Variants in XIRP2 observed in about 807,000 individuals in gnomAD.
XIRP2 encodes the protein xin actin-binding repeat-containing protein 2.
Under a neutral mutation model 277.0 loss-of-function variants are expected in XIRP2, and 236 were observed. That is an observed-to-expected ratio of 0.85 (90% CI 0.77 to 0.95). XIRP2 has a LOEUF of 0.95. Among genes scored for constraint, XIRP2 ranks in the 40% least tolerant of loss-of-function variants. The pLI, the probability that XIRP2 is intolerant of heterozygous loss-of-function variation, is 0.00. For synonymous variants in XIRP2, 1,490 were observed against 1,416.5 expected (o/e 1.05, Z -1.17); for missense variants, 4,640 against 4,157.5 (o/e 1.12, Z -3.19).
chr2:167,070,877 A>G (rs1558968615), intron 2 of XIRP2, among the ~76,000 whole-genome samples: 1 of 152,176 alleles, frequency 6.6e-6, no homozygotes, highest in Non-Finnish European at 1.5e-5. Flanking sequence ...ACAACATGTA[A>G]TACTAACAAC....
At chr2:167,227,357 G>T (rs1356222540) in intron 5 of XIRP2, among the ~76,000 whole-genome samples, 1 of 152,068 alleles carries the variant, frequency 6.6e-6, no homozygotes, top group Admixed American at 6.6e-5. Flanking sequence ...TTCCTTTGCT[G>T]GTGGTAGACT....
chr2:167,162,336 A>G (rs954914905), intron 3 of XIRP2, among the ~76,000 whole-genome samples: 5 of 152,232 alleles, frequency 3.3e-5, no homozygotes, highest in Non-Finnish European at 5.9e-5. Context: ...CGTTGCTGAT[A>G]AAGACATTCC....
intron 3 of XIRP2, among the ~76,000 whole-genome samples, chr2:167,208,542 T>G (rs1286040154): frequency 1.3e-5 from 2 of 152,168 alleles, no homozygotes; most frequent in African/African-American, 4.8e-5. Flanking sequence ...TCTCCTGACC[T>G]CGTGATCTGC....
intron 3 of XIRP2, among the ~76,000 whole-genome samples, chr2:167,156,753 T>C (rs1267169672): frequency 1.3e-5 from 2 of 152,182 alleles, no homozygotes; most frequent in African/African-American, 2.4e-5. Flanking sequence ...TTATGACTTG[T>C]TGACAGAATA....
chr2:167,113,432 G>C (rs945305791), intron 2 of XIRP2, among the ~76,000 whole-genome samples: 1 of 152,036 alleles, frequency 6.6e-6, no homozygotes, highest in Admixed American at 6.6e-5. Context: ...ATCTCTGTTG[G>C]TTCAATCTGG....
In XIRP2 at chr2:167,250,269, G is replaced by A. The variant is rs917711049; in HGVS notation, c.8877G>A (p.Ser2959=). ...RKREELQQIL[S]RVKQFEAEPN... ...GTGAAGAACTGCAACAGATTTTGTC[G>A]AGAGTGAAACAGTTTGAAGCAGAGC... The change falls in exon 9 of 11, where the codon TCG becomes TCA. Residue 2959 remains serine, a synonymous_variant. Transcript: ENST00000409195. The A allele has an allele frequency of 4.3e-6, 7 of 1,613,106 alleles. No homozygotes were observed. Among genetic ancestry groups the A allele is most frequent in the African/African-American group, 4.0e-5 (3 of 74,814 alleles).
At chr2:167,173,189 C>T (rs1016335805) in intron 3 of XIRP2, among the ~76,000 whole-genome samples, 4 of 151,930 alleles carry the variant, frequency 2.6e-5, no homozygotes, top group Admixed American at 6.6e-5. Context: ...GACTATAGTC[C>T]CCCTGTTGTG....
At chr2:166,919,151 T>C (rs1340120967) in intron 2 of XIRP2, among the ~76,000 whole-genome samples, 1 of 152,154 alleles carries the variant, frequency 6.6e-6, no homozygotes, top group African/African-American at 2.4e-5. Flanking sequence ...GTGTATTATG[T>C]ATTTCATAAT....
At chr2:167,161,597 G>C (rs1377815031) in intron 3 of XIRP2, among the ~76,000 whole-genome samples, 1 of 152,180 alleles carries the variant, frequency 6.6e-6, no homozygotes, top group Non-Finnish European at 1.5e-5. Context: ...CTGGGACATA[G>C]GGCACCAAGC....
At chr2:166,891,456 G>C (rs971045013) in intron 1 of XIRP2, among the ~76,000 whole-genome samples, 1 of 152,150 alleles carries the variant, frequency 6.6e-6, no homozygotes, top group African/African-American at 2.4e-5. Context: ...CATAGCTGGA[G>C]AAGTTAATGT....
At chr2:166,909,339 G>T (rs1435939100) in intron 2 of XIRP2, among the ~76,000 whole-genome samples, 7 of 152,036 alleles carry the variant, frequency 4.6e-5, no homozygotes, top group Non-Finnish European at 1.0e-4. Flanking sequence ...CACATCCCTT[G>T]TAAGTTGGAT....
At chr2:167,005,896 A>G (rs1687491734) in intron 2 of XIRP2, among the ~76,000 whole-genome samples, 1 of 151,818 alleles carries the variant, frequency 6.6e-6, no homozygotes, top group African/African-American at 2.4e-5. Context: ...CTTCTGGATC[A>G]GAATCAGAGT....
chr2:167,220,587 C>G (rs1694393009), intron 5 of XIRP2, among the ~76,000 whole-genome samples: 1 of 152,148 alleles, frequency 6.6e-6, no homozygotes. Context: ...CCATTCTCAT[C>G]CAAGTTTCCC....
intron 2 of XIRP2, among the ~76,000 whole-genome samples, chr2:167,070,424 G>A (rs1366881685): frequency 5.9e-5 from 9 of 152,052 alleles, no homozygotes; most frequent in Non-Finnish European, 1.3e-4. Context: ...CAAATTCTGA[G>A]CTCACTGAAC....
At chr2:167,172,014 T>A (rs1376983728) in intron 3 of XIRP2, among the ~76,000 whole-genome samples, 1 of 152,184 alleles carries the variant, frequency 6.6e-6, no homozygotes, top group Admixed American at 6.5e-5. Context: ...AGTAATCACA[T>A]CATGGAAAAT....
In XIRP2 at chr2:167,248,170, T is replaced by C; in HGVS notation, c.6778T>C (p.Ser2260Pro). The C allele has an allele frequency of 6.2e-7, 1 of 1,613,678 alleles. No individual in the cohort carries two copies. The highest frequency in any genetic ancestry group is 8.5e-7 in the Non-Finnish European group (1 of 1,179,814). Reference sequence around the variant, plus strand: ...GGACTTTCTAATGAAAACAAATACTTCCACAGGCTTAAAAATGGCAATGGA... The same window carrying C: ...GGACTTTCTAATGAAAACAAATACTCCCACAGGCTTAAAAATGGCAATGGA... ...SQDFLMKTNTSTGLKMAMERS... is the reference protein window; with the variant it reads ...SQDFLMKTNTPTGLKMAMERS... The change falls in exon 9 of 11, where the codon TCC (serine) becomes CCC (proline). Residue 2260 changes from serine (S) to proline (P), a missense_variant. Coordinates refer to ENST00000409195, the MANE Select transcript of XIRP2 (RefSeq NM_152381.6).
intron 1 of XIRP2, among the ~76,000 whole-genome samples, chr2:166,893,419 C>T (rs1242317906): frequency 6.6e-6 from 1 of 152,108 alleles, no homozygotes; most frequent in Non-Finnish European, 1.5e-5. Context: ...ATTTTGAAGT[C>T]ATGCAATACA....
rs1197809537 is a variant in XIRP2 at position 167,251,318 on chromosome 2, C to T, written c.9926C>T (p.Thr3309Ile). The T allele has an allele frequency of 1.2e-6, 2 of 1,613,468 alleles. No individual in the cohort carries two copies. The highest frequency in any genetic ancestry group is 1.7e-5 in the Admixed American group (1 of 59,946). Residue 3309 changes from threonine (T) to isoleucine (I), a missense_variant, in exon 9 of 11, where the codon ACA becomes ATA. Physicochemically the swap from Thr to Ile is moderately conservative, Grantham distance 89. Transcript: ENST00000409195. ...GTGCCTCCTCGCCTGTCAGAGCACA[C>T]ACAGAGATATGAAGCGGCCAACCGA... ...VAVPPRLSEHTQRYEAANRTV... is the reference protein window; with the variant it reads ...VAVPPRLSEHIQRYEAANRTV...
At chr2:167,182,191 T>A (rs1693035561) in intron 3 of XIRP2, among the ~76,000 whole-genome samples, 1 of 152,180 alleles carries the variant, frequency 6.6e-6, no homozygotes, top group African/African-American at 2.4e-5. Context: ...CTTGAATGGG[T>A]CAATGGGTCA....
Sources: allele counts gnomAD v4.1 joint callset (sites outside exome capture counted in the v4.1 genomes callset), GRCh38; gene constraint gnomAD v4.1.1; transcripts MANE v1.5; gene names NCBI Gene and HGNC (gene_info 2026-07-23, HGNC 2026-07-21).